The following DPP6 variants were observed in gnomAD, a reference collection of about 807,000 sequenced individuals.
DPP6 encodes dipeptidyl peptidase like 6.
In DPP6, 69 loss-of-function variants were observed where a neutral mutation model predicts 122.6. The ratio of observed to expected loss-of-function variants is 0.56; its 90% CI spans 0.46 to 0.69. DPP6 has a LOEUF of 0.69. Among genes scored for constraint, DPP6 ranks in the 30% least tolerant of loss-of-function variants. The probability of loss-of-function intolerance (pLI) is 0.00; values close to 1 mark genes in which losing one functional copy is unlikely to be tolerated. For synonymous variants in DPP6, 418 were observed against 433.1 expected, an observed-to-expected ratio of 0.97 and a Z score of 0.43; for missense variants, 928 against 1,116.9, an observed-to-expected ratio of 0.83 and a Z score of 2.41.
chr7:154,227,073 G>A (rs899039981), intron 1 of DPP6, among the ~76,000 whole-genome samples: 1 of 152,068 alleles, frequency 6.6e-6, no homozygotes, highest in Non-Finnish European at 1.5e-5. Flanking sequence ...TTCCACTTCT[G>A]GGTATTTCTC....
intron 17 of DPP6, among the ~76,000 whole-genome samples, chr7:154,859,047 A>C (rs1451360588): frequency 6.6e-6 from 1 of 152,136 alleles, no homozygotes; most frequent in African/African-American, 2.4e-5. Flanking sequence ...ATGTCTGACA[A>C]GGGGGGAAAG....
intron 1 of DPP6, among the ~76,000 whole-genome samples, chr7:154,127,211 A>T (rs1290318712): frequency 6.6e-6 from 1 of 152,238 alleles, no homozygotes; most frequent in African/African-American, 2.4e-5. Context: ...TTAAGCAATT[A>T]AATTAATATC....
chr7:154,771,316 C>T (rs143403738), intron 9 of DPP6, among the ~76,000 whole-genome samples: 18 of 152,338 alleles, frequency 1.2e-4, no homozygotes, highest in Admixed American at 2.0e-4. Context: ...GTTTTGGCAG[C>T]TGGAAGTCCA....
intron 16 of DPP6, among the ~76,000 whole-genome samples, chr7:154,814,349 T>C (rs1799281428): frequency 6.6e-6 from 1 of 152,178 alleles, no homozygotes; most frequent in East Asian, 1.9e-4. Flanking sequence ...TAAACCCCTA[T>C]ACATTCTCCA....
At chr7:154,731,031 C>CT (rs1472626192) in intron 8 of DPP6, among the ~76,000 whole-genome samples, 1 of 152,160 alleles carries the variant, frequency 6.6e-6, no homozygotes, top group Admixed American at 6.5e-5. Flanking sequence ...GTGTTGTTCC[C>CT]TGGAAGGTTT....
intron 7 of DPP6, among the ~76,000 whole-genome samples, chr7:154,717,426 C>T (rs10275908): frequency 0.024 from 3,693 of 151,266 alleles, 178 homozygotes; most frequent in African/African-American, 0.085. Context: ...ACCTTCCCAG[C>T]ACCGTTCTAC....
chr7:154,611,326 C>A (rs953835927), intron 5 of DPP6, among the ~76,000 whole-genome samples: 1 of 152,102 alleles, frequency 6.6e-6, no homozygotes, highest in Non-Finnish European at 1.5e-5. Flanking sequence ...GAAATGGATA[C>A]GGGCAGAGTG....
chr7:154,263,380 A>G (rs531482706), intron 1 of DPP6, among the ~76,000 whole-genome samples: 99 of 152,342 alleles, frequency 6.5e-4, no homozygotes, highest in African/African-American at 2.3e-3. Flanking sequence ...TTCTGTTTAT[A>G]TATGAGCAGT....
the DPP6 span, among the ~76,000 whole-genome samples, chr7:153,765,641 G>A: frequency 4.6e-5 from 7 of 152,150 alleles, no homozygotes; most frequent in Non-Finnish European, 1.0e-4. Context: ...TCAGGAGGAT[G>A]TATTTTGGTT....
chr7:154,878,173 A>G (rs1584960733), intron 20 of DPP6, among the ~76,000 whole-genome samples: 1 of 152,218 alleles, frequency 6.6e-6, no homozygotes, highest in South Asian at 2.1e-4. Context: ...GGGCAGGCCC[A>G]GGGGAAAGTC....
intron 1 of DPP6, among the ~76,000 whole-genome samples, chr7:154,355,481 A>C (rs1811199869): frequency 6.6e-6 from 1 of 152,168 alleles, no homozygotes; most frequent in South Asian, 2.1e-4. Context: ...TATTTGCTAG[A>C]AGCTTTATTA....
At chr7:154,505,639 G>T (rs1225335393) in intron 3 of DPP6, among the ~76,000 whole-genome samples, 1 of 152,082 alleles carries the variant, frequency 6.6e-6, no homozygotes, top group East Asian at 1.9e-4. Context: ...GTTTTGTTTT[G>T]TTTCATTTTC....
intron 1 of DPP6, among the ~76,000 whole-genome samples, chr7:153,985,202 G>T (rs1434143406): frequency 6.6e-6 from 1 of 152,220 alleles, no homozygotes; most frequent in Non-Finnish European, 1.5e-5. Context: ...TGAGGATTGG[G>T]ATTAGATCTT....
At position 154,023,320 on chromosome 7, in the gene DPP6, A is replaced by ACGCGCACG. The variant is rs372465221; in HGVS notation, c.51+135587_51+135588insGCGCACGC. 1.1e-4 allele frequency among the ~76,000 whole-genome samples: 14 copies of ACGCGCACG among 127,766 alleles called. 1 individual carries two copies. The highest frequency in any genetic ancestry group is 4.5e-4 in the African/African-American group (14 of 31,326). The allele number at this position is 127,766 out of a possible 152,430, so 83.8% of individuals were successfully genotyped here. On this transcript the variant is annotated intron_variant, in intron 1 of 25. Coordinates refer to the DPP6 transcript ENST00000404039. The stretch of plus-strand genomic sequence containing the variant: ...GGCTCTGGAAATGTTTCTTGTCTGC[A>ACGCGCACG]CACACACACACACACACACACACAC...
intron 3 of DPP6, among the ~76,000 whole-genome samples, chr7:154,500,268 T>G (rs1426764336): frequency 6.6e-6 from 1 of 152,232 alleles, no homozygotes; most frequent in African/African-American, 2.4e-5. Flanking sequence ...CACAGCTGTG[T>G]GACCATTCTA....
At chr7:154,224,920 A>G (rs569689896) in intron 1 of DPP6, among the ~76,000 whole-genome samples, 3 of 152,206 alleles carry the variant, frequency 2.0e-5, no homozygotes, top group Non-Finnish European at 4.4e-5. Flanking sequence ...AGGCGGGCAG[A>G]TTACTTGAGG....
At chr7:154,002,795 A>G (rs2129046272) in intron 1 of DPP6, among the ~76,000 whole-genome samples, 1 of 152,258 alleles carries the variant, frequency 6.6e-6, no homozygotes, top group African/African-American at 2.4e-5. Context: ...TTGAGAAGGT[A>G]GGCCCAAGCC....
At chr7:154,059,030 G>A (rs181483803) in intron 1 of DPP6, 1 of 129,166 alleles carries the variant, frequency 7.7e-6, no homozygotes, top group African/African-American at 3.3e-5. Flanking sequence ...CATCGCAGAG[G>A]GGGGAGGGAC....
intron 3 of DPP6, among the ~76,000 whole-genome samples, chr7:154,495,844 G>A (rs1018666980): frequency 1.3e-5 from 2 of 152,184 alleles, no homozygotes; most frequent in Non-Finnish European, 2.9e-5. Context: ...AGCTGTGTGT[G>A]TACCCAGATG....
Sources: allele counts gnomAD v4.1 joint callset (sites outside exome capture counted in the v4.1 genomes callset), GRCh38; gene constraint gnomAD v4.1.1; transcripts MANE v1.5; gene names NCBI Gene and HGNC (gene_info 2026-07-23, HGNC 2026-07-21).